Variants in HEATR3 observed in about 807,000 individuals in gnomAD.
The protein encoded by HEATR3 is HEAT repeat containing 3.
In HEATR3, 56 loss-of-function variants were observed where a neutral mutation model predicts 72.8. The ratio of observed to expected loss-of-function variants is 0.77; its 90% CI spans 0.62 to 0.96. HEATR3 has a LOEUF of 0.96. Ranked by LOEUF, HEATR3 falls within the 40% of genes least tolerant of loss-of-function variation. The pLI, the probability that HEATR3 is intolerant of heterozygous loss-of-function variation, is 0.00. For synonymous variants in HEATR3, 331 were observed against 318.1 expected, an observed-to-expected ratio of 1.04 and a Z score of -0.43; for missense variants, 747 against 831.4, an observed-to-expected ratio of 0.90 and a Z score of 1.25.
At chr16:50,084,922 A>G (rs1295280844) in intron 10 of HEATR3, among the ~76,000 whole-genome samples, 1 of 152,192 alleles carries the variant, frequency 6.6e-6, no homozygotes, top group Non-Finnish European at 1.5e-5. Context: ...ACGCAGTACA[A>G]TACATGCAGC....
At chr16:50,094,849 C>A in intron 12 of HEATR3, 56 bp downstream of exon 12, 2 of 927,280 alleles carry the variant, frequency 2.2e-6, no homozygotes, top group Non-Finnish European at 3.3e-6. Flanking sequence ...ATTATGGAGG[C>A]AAAATTCATT....
intron 11 of HEATR3, among the ~76,000 whole-genome samples, chr16:50,093,065 T>C (rs1353664826): frequency 6.6e-6 from 1 of 152,130 alleles, no homozygotes; most frequent in African/African-American, 2.4e-5. Context: ...TGTAAAGCTC[T>C]CCTATTATTC....
intron 3 of HEATR3, among the ~76,000 whole-genome samples, chr16:50,069,823 C>T (rs4785204): frequency 0.088 from 13,423 of 152,174 alleles, 687 homozygotes; most frequent in East Asian, 0.26. Context: ...TTCCCATTTG[C>T]AGCTGGAGAT....
intron 12 of HEATR3, among the ~76,000 whole-genome samples, chr16:50,096,468 G>T (rs1029516998): frequency 2.0e-5 from 3 of 151,860 alleles, no homozygotes; most frequent in Admixed American, 6.6e-5. Flanking sequence ...ATTTTACTGA[G>T]ATTTGATTCA....
At chr16:50,088,536 C>G (rs541273713) in intron 11 of HEATR3, among the ~76,000 whole-genome samples, 24 of 152,202 alleles carry the variant, frequency 1.6e-4, no homozygotes, top group Admixed American at 1.6e-3. Flanking sequence ...CACTGGAGTA[C>G]AGAGGCAGCT....
intron 13 of HEATR3, 167 bp downstream of exon 13, chr16:50,100,540 T>C: frequency 1.6e-6 from 1 of 607,644 alleles, no homozygotes; most frequent in South Asian, 2.2e-5. Context: ...GATCTAACTA[T>C]GTGTATTAAT....
Position 50,100,443 on chromosome 16 carries a change from TTTC to T in HEATR3, c.1743+73_1743+75del, listed in dbSNP as rs1423886319. 6.0e-6 allele frequency: 9 copies of T among 1,503,192 alleles called. No individual in the cohort carries two copies. In the African/African-American group the frequency reaches 1.2e-4, roughly 21 times the overall value. 93.1% of individuals were successfully genotyped at this position (1,503,192 alleles called of 1,614,324 possible). ...TGGGAGAAGAACTGTTGGTGTAGGA[TTTC>T]TTAAAACTTGTGTGGACTTGAAGAG... On this transcript the variant is annotated intron_variant, in intron 13 of 14. Transcript: ENST00000299192.
At chr16:50,084,784 T>A (rs566039184) in intron 10 of HEATR3, 133 bp downstream of exon 10, 1 of 627,740 alleles carries the variant, frequency 1.6e-6, no homozygotes, top group South Asian at 2.0e-5. Context: ...CAGAAAAATA[T>A]GTGCCCACAT....
intron 5 of HEATR3, chr16:50,073,941 T>G (rs1287084638): frequency 3.3e-5 from 5 of 152,232 alleles, no homozygotes. Context: ...AATGAACTTA[T>G]AAGATTCCAT....
chr16:50,078,291 G>T (rs60827945), intron 6 of HEATR3, among the ~76,000 whole-genome samples: 2 of 151,998 alleles, frequency 1.3e-5, no homozygotes, highest in African/African-American at 4.8e-5. Flanking sequence ...CTTAATGATA[G>T]CTCCTGTTCT....
intron 7 of HEATR3, among the ~76,000 whole-genome samples, chr16:50,081,011 T>TA (rs2036855281): frequency 6.6e-6 from 1 of 152,386 alleles, no homozygotes; most frequent in South Asian, 2.1e-4. Flanking sequence ...GACCCAAGTC[T>TA]AACAAGGTTT....
intron 14 of HEATR3, among the ~76,000 whole-genome samples, chr16:50,104,635 A>C (rs1454986285): frequency 1.3e-5 from 2 of 152,174 alleles, no homozygotes; most frequent in African/African-American, 4.8e-5. Context: ...TGAACAGCAG[A>C]CCTTTCAGAG....
chr16:50,083,330 A>C (rs1269177365), intron 7 of HEATR3, among the ~76,000 whole-genome samples: 1 of 152,176 alleles, frequency 6.6e-6, no homozygotes, highest in Non-Finnish European at 1.5e-5. Context: ...TGTTAAGTTT[A>C]AGTTGGCGTT....
intron 10 of HEATR3, 115 bp from the exon 11 acceptor site, chr16:50,086,099 AC>A: frequency 3.2e-6 from 3 of 939,184 alleles, no homozygotes; most frequent in Non-Finnish European, 4.7e-6. Flanking sequence ...TGCCATAGAT[AC>A]CTTGTATTTA....
intron 12 of HEATR3, among the ~76,000 whole-genome samples, chr16:50,097,086 T>C: frequency 6.6e-6 from 1 of 152,128 alleles, no homozygotes; most frequent in East Asian, 1.9e-4. Flanking sequence ...TTATTTTTTG[T>C]ATTTATAATA....
chr16:50,075,761 T>G lies in HEATR3; in HGVS notation c.763+50T>G, dbSNP rs576680176. 25 of 1,544,518 alleles carry G rather than the reference T, an allele frequency of 1.6e-5. No homozygotes were observed. The East Asian group carries it at 5.0e-4, about 31-fold the overall frequency. ...TATATTGTTTCAGTAGCTTTTGGTA[T>G]GGATGTGGTGGGGGCAAAATTTAGT... On this transcript the variant is annotated intron_variant, in intron 6 of 14. Coordinates refer to ENST00000299192, the MANE Select transcript of HEATR3 (RefSeq NM_182922.4).
At chr16:50,095,543 T>G (rs2058813) in intron 12 of HEATR3, among the ~76,000 whole-genome samples, 1 of 151,666 alleles carries the variant, frequency 6.6e-6, no homozygotes, top group African/African-American at 2.4e-5. Flanking sequence ...AGGAGACTTT[T>G]AAACATTCCT....
intron 6 of HEATR3, among the ~76,000 whole-genome samples, chr16:50,077,742 TC>T (rs1180384836): frequency 6.6e-6 from 1 of 152,182 alleles, no homozygotes; most frequent in Non-Finnish European, 1.5e-5. Flanking sequence ...AGAAATTCCT[TC>T]CTTTTTAATG....
intron 11 of HEATR3, among the ~76,000 whole-genome samples, chr16:50,091,020 C>G (rs1302167516): frequency 2.0e-5 from 3 of 152,038 alleles, no homozygotes; most frequent in Non-Finnish European, 2.9e-5. Context: ...TGGTGTGTGC[C>G]TGTAGTCCAG....
Sources: gnomAD v4.1 joint callset for allele counts (sites outside exome capture counted in the v4.1 genomes callset) on GRCh38, gnomAD v4.1.1 for gene constraint, MANE v1.5 for transcripts, NCBI Gene and HGNC (gene_info 2026-07-23, HGNC 2026-07-21) for gene names.